Variants in DNAH12 observed in about 807,000 individuals in gnomAD.
The protein encoded by DNAH12 is dynein axonemal heavy chain 12, also known as axonemal beta dynein heavy chain 12.
A neutral mutation model predicts 371.5 loss-of-function variants in DNAH12; 285 were observed. That is an observed-to-expected ratio of 0.77 (90% CI 0.70 to 0.85). The LOEUF (loss-of-function observed/expected upper bound fraction) is 0.85. Ranked by LOEUF, DNAH12 falls within the 40% of genes least tolerant of loss-of-function variation. DNAH12 has a pLI of 0.00. For missense variants in DNAH12, 3,611 were observed against 3,689.4 expected (o/e 0.98, Z 0.55); for synonymous variants, 1,200 against 1,213.0 (o/e 0.99, Z 0.22).
Position 57,510,968 on chromosome 3 carries a change from A to G in DNAH12, c.291T>C (p.Ile97=). ...TACTTTCTACACATTGCTTCATATA[A>G]ATATAGTTGAACTGAGAACATAAGA... ...SEMKKKGFNY[I]YMKQCVESSP... The change falls in exon 5 of 74, where the codon ATT becomes ATC. Residue 97 remains isoleucine, a synonymous_variant. Transcript: ENST00000495027. The G allele has an allele frequency of 6.3e-7, 1 of 1,597,070 alleles. No individual in the cohort carries two copies. Among genetic ancestry groups the G allele is most frequent in the East Asian group, 2.2e-5 (1 of 44,522 alleles).
At chr3:57,309,882 C>T in intron 67 of DNAH12, 28 bp from the exon 68 acceptor site, 1 of 1,532,006 alleles carries the variant, frequency 6.5e-7, no homozygotes, top group Non-Finnish European at 8.8e-7. Context: ...AAGCATGCAT[C>T]ATATTTTCCC....
At position 57,433,446 on chromosome 3, in the gene DNAH12, C is replaced by T. The variant is rs1258481955; in HGVS notation, c.4901G>A (p.Arg1634Gln). 11 of 1,551,346 alleles carry T rather than the reference C, an allele frequency of 7.1e-6. No individual in the cohort carries two copies. Among genetic ancestry groups the T allele is most frequent in the East Asian group, 4.9e-5 (2 of 40,900 alleles). ...REFALSETPD[R>Q]KWVVFDGPID... ...AGGACCATCAAATACAACCCATTTC[C>T]GGTCAGGTGTTTCTGATAAGGCAAA... The change falls in exon 32 of 74, where the codon CGG (arginine) becomes CAG (glutamine). Residue 1634 changes from arginine to glutamine, a missense_variant. Transcript: ENST00000495027.
At chr3:57,482,479 G>A (rs1396609018) in intron 13 of DNAH12, among the ~76,000 whole-genome samples, 1 of 152,006 alleles carries the variant, frequency 6.6e-6, no homozygotes, top group Non-Finnish European at 1.5e-5. Context: ...TGGTGGGACT[G>A]TAAACTAGTT....
intron 4 of DNAH12, among the ~76,000 whole-genome samples, chr3:57,515,218 C>T (rs1307509073): frequency 6.6e-6 from 1 of 152,162 alleles, no homozygotes; most frequent in Non-Finnish European, 1.5e-5. Flanking sequence ...GCACATTTAA[C>T]ACACATATCA....
intron 13 of DNAH12, among the ~76,000 whole-genome samples, chr3:57,476,687 T>C (rs1275221692): frequency 6.6e-6 from 1 of 152,264 alleles, no homozygotes; most frequent in East Asian, 1.9e-4. Flanking sequence ...ACTGGCTGTT[T>C]ACTTTAGAAC....
chr3:57,491,291 A>T (rs2067117486), intron 11 of DNAH12, among the ~76,000 whole-genome samples: 1 of 152,122 alleles, frequency 6.6e-6, no homozygotes, highest in Non-Finnish European at 1.5e-5. Context: ...CATAAAGGAA[A>T]GCAAGAAATG....
intron 60 of DNAH12, among the ~76,000 whole-genome samples, chr3:57,345,814 A>C (rs2062527938): frequency 6.6e-6 from 1 of 152,224 alleles, no homozygotes; most frequent in Non-Finnish European, 1.5e-5. Context: ...TGATAAAAAT[A>C]GACTAGTATC....
intron 8 of DNAH12, among the ~76,000 whole-genome samples, chr3:57,507,000 AT>A (rs1465305134): frequency 6.6e-6 from 1 of 151,738 alleles, no homozygotes; most frequent in Non-Finnish European, 1.5e-5. Flanking sequence ...AACCATGTGT[AT>A]TAGTTACAGC....
intron 41 of DNAH12, 103 bp downstream of exon 41, chr3:57,405,550 A>T: frequency 7.9e-7 from 1 of 1,265,736 alleles, no homozygotes; most frequent in Non-Finnish European, 1.1e-6. Context: ...GAATGCTAAA[A>T]GAATATGTTC....
Position 57,338,662 on chromosome 3 carries a change from C to T in DNAH12, c.9675-3722G>A, listed in dbSNP as rs533083745. ...CTAGAAAGTGAGGAGCGCCTCTGCC[C>T]GGCCACCCCGTCTGGGAAGTGAGGA... On this transcript the variant is annotated intron_variant, in intron 60 of 73. Transcript: ENST00000495027. Among the ~76,000 whole-genome samples the T allele has an allele frequency of 1.9e-3, 282 of 149,370 alleles. 2 individuals are homozygous for T. Among genetic ancestry groups the T allele is most frequent in the South Asian group, 0.017 (81 of 4,700 alleles).
Position 57,393,775 on chromosome 3 carries a change from TA to T in DNAH12, c.7110+395del, listed in dbSNP as rs1255302099. 3.3e-5 allele frequency among the ~76,000 whole-genome samples: 5 copies of T among 151,862 alleles called. 1 individual carries two copies. The East Asian group carries it at 9.6e-4, about 29-fold the overall frequency. ...AAGACTTTCAGATGTATCAAACCCA[TA>T]AGATAGTTTTATTAAAACTTTAAAA... On this transcript the variant is annotated intron_variant, in intron 44 of 73. Coordinates refer to ENST00000495027, the MANE Select transcript of DNAH12 (RefSeq NM_001366028.2).
chr3:57,454,453 C>T, intron 23 of DNAH12, among the ~76,000 whole-genome samples: 1 of 148,474 alleles, frequency 6.7e-6, no homozygotes, highest in East Asian at 1.9e-4. Flanking sequence ...GCACTCCAGC[C>T]TAGGCAACAA....
chr3:57,308,605 C>T (rs1382890378), intron 69 of DNAH12, among the ~76,000 whole-genome samples: 1 of 152,176 alleles, frequency 6.6e-6, no homozygotes, highest in Non-Finnish European at 1.5e-5. Flanking sequence ...TCACCATTCT[C>T]AACTACTCAT....
intron 17 of DNAH12, among the ~76,000 whole-genome samples, chr3:57,467,472 T>G (rs1449338344): frequency 6.6e-6 from 1 of 152,190 alleles, no homozygotes; most frequent in African/African-American, 2.4e-5. Flanking sequence ...TTCTCTGGAC[T>G]CAAAAGCCTT....
chr3:57,508,416 C>T lies in DNAH12; in HGVS notation c.667G>A (p.Ala223Thr), dbSNP rs1490946017. 6.2e-7 allele frequency: 1 copy of T among 1,608,074 alleles called. No individual in the cohort carries two copies. Among genetic ancestry groups the T allele is most frequent in the Non-Finnish European group, 8.5e-7 (1 of 1,178,660 alleles). Residue 223 changes from alanine (A) to threonine (T), a missense_variant, in exon 7 of 74, where the codon GCT becomes ACT. By Grantham distance (58) the Ala-to-Thr change is moderately conservative. Coordinates refer to ENST00000495027, the MANE Select transcript of DNAH12 (RefSeq NM_001366028.2). ...GTGAAGTCCAACAAAACTGTATCAGCAAATGTTGTATAACCAAGGTCCAGT... is the reference window on the plus strand; with the variant it reads ...GTGAAGTCCAACAAAACTGTATCAGTAAATGTTGTATAACCAAGGTCCAGT... ...MLLDLGYTTF[A>T]DTVLLDFTGI...
chr3:57,396,278 CAAAAAAAAAAACAAAAA>C (rs1440108662), intron 43 of DNAH12, among the ~76,000 whole-genome samples: 2 of 100,414 alleles, frequency 2.0e-5, no homozygotes, highest in African/African-American at 6.9e-5. Context: ...GACTGCATCT[CAAAAAAAAAAACAAAAA>C]AAAAAAAAAA....
At chr3:57,499,611 T>A (rs1464793544) in intron 11 of DNAH12, among the ~76,000 whole-genome samples, 3 of 82,578 alleles carry the variant, frequency 3.6e-5, no homozygotes, top group Non-Finnish European at 6.7e-5. Context: ...TGGGGAAACA[T>A]AAGGAGACAC....
intron 62 of DNAH12, among the ~76,000 whole-genome samples, chr3:57,325,489 C>T (rs1312192159): frequency 6.6e-6 from 1 of 152,218 alleles, no homozygotes; most frequent in Non-Finnish European, 1.5e-5. Flanking sequence ...CTAGCAAACT[C>T]CAACAGACCT....
At chr3:57,390,171 C>G (rs1313866621) in intron 45 of DNAH12, among the ~76,000 whole-genome samples, 1 of 147,286 alleles carries the variant, frequency 6.8e-6, no homozygotes, top group Non-Finnish European at 1.5e-5. Flanking sequence ...GGCACAATGG[C>G]TCGTGCCTAT....
Sources: gnomAD v4.1 joint callset for allele counts (sites outside exome capture counted in the v4.1 genomes callset) on GRCh38, gnomAD v4.1.1 for gene constraint, MANE v1.5 for transcripts, NCBI Gene and HGNC (gene_info 2026-07-23, HGNC 2026-07-21) for gene names.